Variants in ZCCHC7 observed in about 807,000 individuals in gnomAD.
ZCCHC7 encodes the protein zinc finger CCHC domain-containing protein 7.
ZCCHC7 carries 35 observed loss-of-function variants against 52.0 expected under a neutral mutation model. The ratio of observed to expected loss-of-function variants is 0.67; its 90% CI spans 0.51 to 0.89. The LOEUF is 0.89. Among genes scored for constraint, ZCCHC7 ranks in the 40% least tolerant of loss-of-function variants. The pLI, the probability that ZCCHC7 is intolerant of heterozygous loss-of-function variation, is 0.00. For synonymous variants in ZCCHC7, 217 were observed against 221.5 expected, an observed-to-expected ratio of 0.98 and a Z score of 0.18; for missense variants, 574 against 649.1, an observed-to-expected ratio of 0.88 and a Z score of 1.26.
chr9:37,137,265 T>A (rs1015860978), intron 2 of ZCCHC7, among the ~76,000 whole-genome samples: 3 of 152,200 alleles, frequency 2.0e-5, no homozygotes, highest in African/African-American at 7.2e-5. Flanking sequence ...GTAGATTTTT[T>A]AAAAAGATTA....
At chr9:37,245,362 G>T (rs1315540394) in intron 2 of ZCCHC7, among the ~76,000 whole-genome samples, 1 of 151,860 alleles carries the variant, frequency 6.6e-6, no homozygotes, top group Non-Finnish European at 1.5e-5. Flanking sequence ...TGAAATAAAA[G>T]AAAGGAATTT....
intron 2 of ZCCHC7, among the ~76,000 whole-genome samples, chr9:37,170,885 A>T (rs771185021): frequency 6.6e-6 from 1 of 152,114 alleles, no homozygotes; most frequent in Non-Finnish European, 1.5e-5. Flanking sequence ...TTGAGGCCTT[A>T]TCTATAGGGT....
chr9:37,227,634 T>C (rs1825182162), intron 2 of ZCCHC7, among the ~76,000 whole-genome samples: 1 of 152,204 alleles, frequency 6.6e-6, no homozygotes, highest in Non-Finnish European at 1.5e-5. Flanking sequence ...GACTTGAACC[T>C]GTATATTCCT....
At chr9:37,209,604 G>T (rs763661825) in intron 2 of ZCCHC7, among the ~76,000 whole-genome samples, 1 of 151,930 alleles carries the variant, frequency 6.6e-6, no homozygotes, top group South Asian at 2.1e-4. Flanking sequence ...GTATTTAATG[G>T]TTTCACTCTA....
intron 2 of ZCCHC7, among the ~76,000 whole-genome samples, chr9:37,155,608 A>G (rs901090092): frequency 3.9e-5 from 6 of 152,324 alleles, no homozygotes; most frequent in African/African-American, 1.2e-4. Context: ...AGAACATTCA[A>G]TCTTCGTAAA....
intron 5 of ZCCHC7, among the ~76,000 whole-genome samples, chr9:37,314,124 G>A (rs1273532831): frequency 6.6e-6 from 1 of 152,028 alleles, no homozygotes; most frequent in Non-Finnish European, 1.5e-5. Flanking sequence ...AGCTTATCTT[G>A]TCTTTATAGA....
At chr9:37,206,008 T>C (rs1823889334) in intron 2 of ZCCHC7, among the ~76,000 whole-genome samples, 1 of 152,202 alleles carries the variant, frequency 6.6e-6, no homozygotes, top group South Asian at 2.1e-4. Flanking sequence ...TTCTCTTTAT[T>C]CCTGACAACG....
chr9:37,312,947 A>T (rs1829659062), intron 5 of ZCCHC7, among the ~76,000 whole-genome samples: 1 of 152,230 alleles, frequency 6.6e-6, no homozygotes, highest in Non-Finnish European at 1.5e-5. Context: ...CAACAAAGTA[A>T]CTTAGATGTG....
At chr9:37,344,810 T>A (rs1820860472) in intron 6 of ZCCHC7, among the ~76,000 whole-genome samples, 1 of 152,250 alleles carries the variant, frequency 6.6e-6, no homozygotes, top group Admixed American at 6.5e-5. Flanking sequence ...CTCAGTTACC[T>A]GATCTTAGAA....
chr9:37,150,541 A>G (rs193181787), intron 2 of ZCCHC7, among the ~76,000 whole-genome samples: 33 of 152,368 alleles, frequency 2.2e-4, no homozygotes, highest in Admixed American at 7.8e-4. Context: ...GAGGGCACAT[A>G]ATAAATGTGA....
chr9:37,337,163 A>T (rs986215404), intron 6 of ZCCHC7, among the ~76,000 whole-genome samples: 1 of 152,232 alleles, frequency 6.6e-6, no homozygotes, highest in Non-Finnish European at 1.5e-5. Context: ...TATTACTATA[A>T]TCTTAAACAT....
intron 5 of ZCCHC7, among the ~76,000 whole-genome samples, chr9:37,318,467 A>G (rs1467557771): frequency 2.0e-5 from 3 of 151,660 alleles, no homozygotes; most frequent in African/African-American, 7.3e-5. Context: ...ATCTCAAAAA[A>G]TATATATATT....
intron 1 of ZCCHC7, among the ~76,000 whole-genome samples, chr9:37,122,709 T>G (rs1440674085): frequency 6.6e-6 from 1 of 152,114 alleles, no homozygotes; most frequent in Non-Finnish European, 1.5e-5. Context: ...GGAGTCCGAG[T>G]GGGGCGGATC....
intron 2 of ZCCHC7, among the ~76,000 whole-genome samples, chr9:37,257,171 T>C (rs1332407611): frequency 6.6e-6 from 1 of 152,214 alleles, no homozygotes; most frequent in Non-Finnish European, 1.5e-5. Context: ...CAAATCAATA[T>C]GGCGGGTAGA....
chr9:37,209,002 C>A (rs1191761387), intron 2 of ZCCHC7, among the ~76,000 whole-genome samples: 3 of 152,022 alleles, frequency 2.0e-5, no homozygotes, highest in Non-Finnish European at 4.4e-5. Flanking sequence ...TAACTTTATT[C>A]TTTTCTGTTT....
intron 2 of ZCCHC7, among the ~76,000 whole-genome samples, chr9:37,225,841 C>T (rs1017524943): frequency 6.6e-6 from 1 of 152,200 alleles, no homozygotes; most frequent in Non-Finnish European, 1.5e-5. Flanking sequence ...CAACTAGTGA[C>T]TGAATGCTCT....
chr9:37,258,057 T>G (rs893513109), intron 2 of ZCCHC7, among the ~76,000 whole-genome samples: 6 of 152,182 alleles, frequency 3.9e-5, no homozygotes, highest in African/African-American at 1.4e-4. Flanking sequence ...GATGAGAAAT[T>G]GATCTGAGGA....
chr9:37,120,613 C>G lies in ZCCHC7; in HGVS notation c.-32C>G, dbSNP rs1382586726. ...GTTCCCGGTTGGTGCTTCCTGTTCG[C>G]AGCTGCGGCAGTGAGTATGTGTGTG... On this transcript the variant is annotated 5_prime_UTR_variant, in exon 1 of 9. Coordinates refer to ENST00000336755, the MANE Select transcript of ZCCHC7 (RefSeq NM_032226.3). 2.5e-6 allele frequency: 1 copy of G among 398,290 alleles called. No individual in the cohort carries two copies. The highest frequency in any genetic ancestry group is 4.4e-5 in the Admixed American group (1 of 22,708). 24.7% of individuals were successfully genotyped at this position (398,290 alleles called of 1,614,324 possible). A position where few individuals can be genotyped will look rare whatever the true frequency, so the allele number is the denominator to read the frequency against.
At chr9:37,189,871 A>T (rs571201679) in intron 2 of ZCCHC7, among the ~76,000 whole-genome samples, 91 of 152,290 alleles carry the variant, frequency 6.0e-4, no homozygotes, top group African/African-American at 2.0e-3. Context: ...TCTACTCCAT[A>T]GTTTAGCTCT....
Sources: gnomAD v4.1 joint callset for allele counts (sites outside exome capture counted in the v4.1 genomes callset) on GRCh38, gnomAD v4.1.1 for gene constraint, MANE v1.5 for transcripts, NCBI Gene and HGNC (gene_info 2026-07-23, HGNC 2026-07-21) for gene names.